Variants in STAM observed in about 807,000 individuals in gnomAD.
The protein encoded by STAM is signal transducing adaptor molecule.
In STAM, 16 loss-of-function variants were observed where a neutral mutation model predicts 63.4. That is an observed-to-expected ratio of 0.25 (90% CI 0.17 to 0.38). The LOEUF is 0.38. Among genes scored for constraint, STAM ranks in the 10% least tolerant of loss-of-function variants. The pLI is 1.00. For missense variants in STAM, 636 were observed against 657.1 expected (o/e 0.97, Z 0.35); for synonymous variants, 238 against 223.9 (o/e 1.06, Z -0.56).
intron 8 of STAM, 144 bp from the exon 9 acceptor site, chr10:17,700,047 G>A: frequency 1.9e-6 from 1 of 529,352 alleles, no homozygotes; most frequent in Non-Finnish European, 3.2e-6. Context: ...GCCAAAATCT[G>A]CAACTCAGTT....
At chr10:17,702,022 A>G (rs540929781) in intron 9 of STAM, among the ~76,000 whole-genome samples, 6 of 152,308 alleles carry the variant, frequency 3.9e-5, no homozygotes, top group African/African-American at 1.4e-4. Context: ...CTTTCAGAAG[A>G]TACCGAAAGA....
intron 1 of STAM, among the ~76,000 whole-genome samples, chr10:17,658,623 A>G (rs1157430508): frequency 1.3e-5 from 2 of 151,858 alleles, no homozygotes; most frequent in Admixed American, 1.3e-4. Flanking sequence ...TGATCCTCCT[A>G]TCTCAGCCTC....
At chr10:17,686,438 G>A (rs1355451185) in intron 4 of STAM, among the ~76,000 whole-genome samples, 3 of 150,076 alleles carry the variant, frequency 2.0e-5, no homozygotes, top group Admixed American at 1.3e-4. Context: ...GTACAGTGGC[G>A]TGATCTCAGC....
chr10:17,707,021 G>A (rs1272656200), intron 12 of STAM, among the ~76,000 whole-genome samples: 3 of 152,170 alleles, frequency 2.0e-5, no homozygotes, highest in African/African-American at 7.2e-5. Flanking sequence ...GCAATGCAGT[G>A]TAGAGCCGTT....
chr10:17,667,867 T>A (rs1289112688), intron 2 of STAM, among the ~76,000 whole-genome samples: 1 of 152,224 alleles, frequency 6.6e-6, no homozygotes, highest in Non-Finnish European at 1.5e-5. Context: ...TGATGCCTTC[T>A]AAGAACTTGA....
intron 13 of STAM, among the ~76,000 whole-genome samples, chr10:17,710,142 G>A (rs2131699691): frequency 6.6e-6 from 1 of 152,006 alleles, no homozygotes; most frequent in South Asian, 2.1e-4. Flanking sequence ...TTTAGTATTA[G>A]CCGGAACTGC....
chr10:17,667,340 C>T (rs1834434689), intron 2 of STAM, among the ~76,000 whole-genome samples: 1 of 151,948 alleles, frequency 6.6e-6, no homozygotes, highest in Non-Finnish European at 1.5e-5. Flanking sequence ...GGTCAGGTGG[C>T]CTTGAACCCC....
intron 9 of STAM, among the ~76,000 whole-genome samples, chr10:17,702,661 A>C (rs1836050330): frequency 6.6e-6 from 1 of 152,194 alleles, no homozygotes; most frequent in Non-Finnish European, 1.5e-5. Context: ...GACTGTGCTA[A>C]GGGCAAGGAA....
intron 1 of STAM, among the ~76,000 whole-genome samples, chr10:17,654,790 A>G (rs1833875509): frequency 6.6e-6 from 1 of 152,212 alleles, no homozygotes; most frequent in African/African-American, 2.4e-5. Flanking sequence ...ATTTTTCAAA[A>G]AAGTCTAGGT....
chr10:17,664,538 CTG>C (rs1227963705), intron 2 of STAM, among the ~76,000 whole-genome samples: 5 of 151,928 alleles, frequency 3.3e-5, no homozygotes, highest in East Asian at 1.9e-4. Context: ...TTGGAGGAAA[CTG>C]TGATTGGATA....
intron 4 of STAM, among the ~76,000 whole-genome samples, chr10:17,685,217 C>T (rs1239316961): frequency 6.6e-6 from 1 of 152,154 alleles, no homozygotes; most frequent in Non-Finnish European, 1.5e-5. Flanking sequence ...TAATATCAGT[C>T]TATTTTACAT....
intron 5 of STAM, among the ~76,000 whole-genome samples, chr10:17,689,996 T>C (rs1256888494): frequency 6.6e-6 from 1 of 152,254 alleles, no homozygotes; most frequent in African/African-American, 2.4e-5. Context: ...GAAGAATTAA[T>C]GATTGTGCCA....
chr10:17,669,406 A>T (rs1226026349), intron 2 of STAM, among the ~76,000 whole-genome samples: 15 of 136,462 alleles, frequency 1.1e-4, no homozygotes, highest in South Asian at 6.8e-4. Flanking sequence ...TCCCCTTCCT[A>T]CTCTCATTAA....
Position 17,684,729 on chromosome 10 carries a change from C to T in STAM, c.180C>T (p.His60=), listed in dbSNP as rs782093950. The T allele has an allele frequency of 1.7e-5, 27 of 1,613,902 alleles. No homozygotes were observed. In the Middle Eastern group the frequency reaches 9.9e-4, roughly 59 times the overall value. ...IMRRVNHKDP[H]VAMQALTLLG... is the part of the protein sequence containing the mutation. ...GAAGAGTGAACCACAAAGATCCTCA[C>T]GTTGCTATGCAGGCTTTGACTGTGA... The change falls in exon 3 of 14, where the codon CAC becomes CAT. Residue 60 remains histidine (H), a synonymous_variant. Coordinates refer to ENST00000377524, the MANE Select transcript of STAM (RefSeq NM_003473.4).
chr10:17,655,813 T>C (rs1381318958), intron 1 of STAM, among the ~76,000 whole-genome samples: 1 of 152,084 alleles, frequency 6.6e-6, no homozygotes, highest in Non-Finnish European at 1.5e-5. Flanking sequence ...TTGAAGATCT[T>C]GGTGATGTTA....
At position 17,714,651 on chromosome 10, in the gene STAM, C is replaced by T. The variant is rs1554830568; in HGVS notation, c.1494C>T (p.Tyr498=). Residue 498 remains tyrosine, a synonymous_variant, in exon 14 of 14, where the codon TAC becomes TAT. Coordinates refer to ENST00000377524, the MANE Select transcript of STAM (RefSeq NM_003473.4). ...AAAATADVTL[Y]QNAGPNMPQV... Reference sequence around the variant, plus strand: ...CTGCAACTGCCGATGTCACTCTGTACCAGAATGCAGGACCTAATATGCCCC... The same window carrying T: ...CTGCAACTGCCGATGTCACTCTGTATCAGAATGCAGGACCTAATATGCCCC... 1.9e-6 allele frequency: 3 copies of T among 1,614,026 alleles called. No individual in the cohort carries two copies. The highest frequency in any genetic ancestry group is 1.3e-5 in the African/African-American group (1 of 74,904).
intron 13 of STAM, among the ~76,000 whole-genome samples, chr10:17,714,073 G>C (rs1836687448): frequency 6.6e-6 from 1 of 152,074 alleles, no homozygotes; most frequent in African/African-American, 2.4e-5. Flanking sequence ...ACTTTCCTAG[G>C]GAATCTATCT....
intron 6 of STAM, among the ~76,000 whole-genome samples, chr10:17,694,535 T>TA (rs1835673518): frequency 6.6e-6 from 1 of 152,162 alleles, no homozygotes; most frequent in African/African-American, 2.4e-5. Flanking sequence ...GTGGTGGAGA[T>TA]AGAGACACGT....
chr10:17,691,036 A>T (rs1564557330), intron 5 of STAM, among the ~76,000 whole-genome samples: 1 of 152,336 alleles, frequency 6.6e-6, no homozygotes, highest in East Asian at 1.9e-4. Flanking sequence ...AAGTTTGCCA[A>T]ATTGTGAACA....
Sources: allele counts gnomAD v4.1 joint callset (sites outside exome capture counted in the v4.1 genomes callset), GRCh38; gene constraint gnomAD v4.1.1; transcripts MANE v1.5; gene names NCBI Gene and HGNC (gene_info 2026-07-23, HGNC 2026-07-21).